Variants in DOCK2 observed in about 807,000 individuals in gnomAD.
DOCK2 encodes the protein dedicator of cytokinesis protein 2.
A neutral mutation model predicts 248.9 loss-of-function variants in DOCK2; 87 were observed. The ratio of observed to expected loss-of-function variants is 0.35; its 90% CI spans 0.29 to 0.42. DOCK2 has a LOEUF of 0.42. Ranked by LOEUF, DOCK2 falls within the 10% of genes least tolerant of loss-of-function variation. The pLI is 1.00. For synonymous variants in DOCK2, 805 were observed against 821.6 expected (o/e 0.98, Z 0.35); for missense variants, 1,747 against 2,300.2 (o/e 0.76, Z 4.92).
rs748296498 is a variant in DOCK2 at position 170,008,555 on chromosome 5, T to G, written c.3131T>G (p.Leu1044Arg). 1 of 1,614,156 alleles carries G rather than the reference T, an allele frequency of 6.2e-7. No homozygotes were observed. Among genetic ancestry groups the G allele is most frequent in the Non-Finnish European group, 8.5e-7 (1 of 1,179,980 alleles). Reference sequence around the variant, plus strand: ...TTTATCACCCAGGATTCTCTGCAGCTGGAGCAGTTCTCACACGCCAAATAC... The same window carrying G: ...TTTATCACCCAGGATTCTCTGCAGCGGGAGCAGTTCTCACACGCCAAATAC... ...VAFITQDSLQ[L>R]EQFSHAKYNK... The change falls in exon 31 of 52, where the codon CTG becomes CGG. Residue 1044 changes from leucine to arginine, a missense_variant. By Grantham distance (102) the Leu-to-Arg change is moderately radical. This residue lies in a region of DOCK2 where 858 missense variants were observed against 1,183.5 expected (regional missense o/e 0.72). Transcript: ENST00000520908.
intron 3 of DOCK2, among the ~76,000 whole-genome samples, chr5:169,669,574 C>A (rs1275315540): frequency 6.6e-6 from 1 of 152,166 alleles, no homozygotes; most frequent in Non-Finnish European, 1.5e-5. Context: ...ATATGCCACT[C>A]ACTTATGATT....
At chr5:169,663,008 G>A (rs1266064688) in intron 2 of DOCK2, among the ~76,000 whole-genome samples, 1 of 152,158 alleles carries the variant, frequency 6.6e-6, no homozygotes, top group Non-Finnish European at 1.5e-5. Flanking sequence ...CCACATATGA[G>A]CCTGTAAAAT....
chr5:169,883,077 A>C (rs1263509359), intron 27 of DOCK2: 9 of 1,551,456 alleles, frequency 5.8e-6, no homozygotes, highest in Non-Finnish European at 7.8e-6. Context: ...ATTCAGGTTT[A>C]AGTTCCTCTG....
rs1456048616 is a variant in DOCK2 at position 170,081,887 on chromosome 5, A to G, written c.5333A>G (p.Asn1778Ser). ...VAGIPGLDEA[N>S]TSPRLSQTFL... ...GGCATCCCTGGGTTGGATGAGGCCA[A>G]CACATCTCCCCGCCTCAGCCAGACC... Residue 1778 changes from asparagine to serine, a missense_variant, in exon 51 of 52, where the codon AAC (asparagine) becomes AGC (serine). By Grantham distance (46) the Asn-to-Ser change is conservative. Coordinates refer to ENST00000520908, the MANE Select transcript of DOCK2 (RefSeq NM_004946.3). 1.2e-6 allele frequency: 2 copies of G among 1,613,834 alleles called. No homozygotes were observed. Among genetic ancestry groups the G allele is most frequent in the Admixed American group, 3.3e-5 (2 of 59,978 alleles).
intron 29 of DOCK2, among the ~76,000 whole-genome samples, chr5:169,991,968 C>A (rs1290937957): frequency 6.6e-6 from 1 of 152,148 alleles, no homozygotes; most frequent in East Asian, 1.9e-4. Flanking sequence ...TGAATTATGG[C>A]AATTGATGCT....
chr5:169,846,392 A>G (rs1770306238), intron 27 of DOCK2, among the ~76,000 whole-genome samples: 1 of 152,190 alleles, frequency 6.6e-6, no homozygotes, highest in Non-Finnish European at 1.5e-5. Context: ...CAATTCCCTG[A>G]GCAATGAATT....
At chr5:170,078,419 G>A (rs116183560) in intron 48 of DOCK2, among the ~76,000 whole-genome samples, 1,570 of 152,154 alleles carry the variant, frequency 0.01, 26 homozygotes, top group African/African-American at 0.035. Context: ...CAGTTCTAGG[G>A]GGCATCATTC....
At chr5:169,967,774 G>A (rs1342982730) in intron 27 of DOCK2, among the ~76,000 whole-genome samples, 1 of 152,166 alleles carries the variant, frequency 6.6e-6, no homozygotes, top group African/African-American at 2.4e-5. Context: ...GTCAATCAGT[G>A]CAGTAAGAGT....
intron 9 of DOCK2, among the ~76,000 whole-genome samples, chr5:169,692,679 C>T (rs1031997345): frequency 5.9e-5 from 9 of 152,172 alleles, no homozygotes; most frequent in African/African-American, 2.2e-4. Context: ...TTTGCTAGGC[C>T]TGCCATAACT....
chr5:169,908,759 G>C (rs1581399326), intron 27 of DOCK2, among the ~76,000 whole-genome samples: 1 of 142,500 alleles, frequency 7.0e-6, no homozygotes, highest in East Asian at 2.0e-4. Flanking sequence ...CTGTCGCCCA[G>C]GATAGAGTGC....
At chr5:169,819,179 T>C (rs898336546) in intron 26 of DOCK2, among the ~76,000 whole-genome samples, 1 of 152,152 alleles carries the variant, frequency 6.6e-6, no homozygotes, top group African/African-American at 2.4e-5. Context: ...GCCCGTTGGC[T>C]CATGCCTGTA....
intron 8 of DOCK2, among the ~76,000 whole-genome samples, chr5:169,686,576 G>A (rs1561599785): frequency 6.6e-6 from 1 of 152,212 alleles, no homozygotes; most frequent in African/African-American, 2.4e-5. Context: ...AAGGAGGGCA[G>A]GGGAATCTGG....
chr5:170,076,614 CG>C (rs1351772121), intron 47 of DOCK2, among the ~76,000 whole-genome samples: 3 of 152,216 alleles, frequency 2.0e-5, no homozygotes, highest in South Asian at 2.1e-4. Flanking sequence ...CTGGTGCTTA[CG>C]GGGTGCTTCT....
chr5:169,669,262 A>G, intron 2 of DOCK2, 26 bp from the exon 3 acceptor site: 2 of 1,612,690 alleles, frequency 1.2e-6, no homozygotes, highest in Non-Finnish European at 1.7e-6. Flanking sequence ...AAATGAGGGA[A>G]CTGTTTCTTT....
chr5:169,765,502 G>T (rs1363052358), intron 25 of DOCK2, among the ~76,000 whole-genome samples: 1 of 152,234 alleles, frequency 6.6e-6, no homozygotes, highest in African/African-American at 2.4e-5. Flanking sequence ...TCCAAGAGGA[G>T]TCTAGAAGAA....
chr5:169,727,889 T>C (rs1448383734), intron 22 of DOCK2, among the ~76,000 whole-genome samples: 1 of 152,180 alleles, frequency 6.6e-6, no homozygotes, highest in African/African-American at 2.4e-5. Context: ...GATTCATCTT[T>C]TGGATAGAGT....
At chr5:169,740,531 A>G (rs767826021) in intron 22 of DOCK2, among the ~76,000 whole-genome samples, 5 of 152,188 alleles carry the variant, frequency 3.3e-5, no homozygotes, top group Non-Finnish European at 4.4e-5. Flanking sequence ...CAGGCTCTGG[A>G]AAAGTAACAG....
intron 32 of DOCK2, among the ~76,000 whole-genome samples, chr5:170,015,856 TTCCC>T (rs974114255): frequency 4.1e-5 from 6 of 146,922 alleles, no homozygotes; most frequent in Non-Finnish European, 9.0e-5. Flanking sequence ...CTTTTCTTCT[TTCCC>T]TCCCTCCCTC....
In DOCK2 at chr5:169,883,229, C is replaced by T; in HGVS notation, c.2799+42377C>T. The T allele has an allele frequency of 1.9e-6, 3 of 1,551,620 alleles. No homozygotes were observed. In the South Asian group the frequency reaches 3.6e-5, roughly 18 times the overall value. ...GAGTTACTTACTTCAGCTGACCTGT[C>T]TGGGCTGAGAGCAGACTCTCTAGCT... On this transcript the variant is annotated intron_variant, in intron 27 of 51. Coordinates refer to ENST00000520908, the MANE Select transcript of DOCK2 (RefSeq NM_004946.3).
Sources: gnomAD v4.1 joint callset for allele counts (sites outside exome capture counted in the v4.1 genomes callset) on GRCh38, gnomAD v4.1.1 for gene constraint, gnomAD v4.1.1 regional missense constraint, MANE v1.5 for transcripts, NCBI Gene and HGNC (gene_info 2026-07-23, HGNC 2026-07-21) for gene names.